Variants in HERC2 observed in about 807,000 individuals in gnomAD.
The protein encoded by HERC2 is HECT and RLD domain containing E3 ubiquitin protein ligase 2.
In HERC2, 102 loss-of-function variants were observed where a neutral mutation model predicts 537.7. The ratio of observed to expected loss-of-function variants is 0.19; its 90% CI spans 0.16 to 0.22. The LOEUF (loss-of-function observed/expected upper bound fraction) is 0.22, where lower values mean the gene tolerates loss of function less well. HERC2 is among the 10% of genes least tolerant of loss of function. The pLI is 1.00. For missense variants in HERC2, 4,236 were observed against 6,198.2 expected (o/e 0.68, Z 10.63); for synonymous variants, 2,224 against 2,466.2 (o/e 0.90, Z 2.91).
chr15:28,160,064 A>G (rs1893420507), intron 69 of HERC2, among the ~76,000 whole-genome samples: 1 of 152,230 alleles, frequency 6.6e-6, no homozygotes, highest in African/African-American at 2.4e-5. Context: ...GCTGAACAGC[A>G]AATGTTGCTG....
Position 28,130,568 on chromosome 15 carries a change from T to A in HERC2, c.12597A>T (p.Val4199=). 6.2e-7 allele frequency: 1 copy of A among 1,613,866 alleles called. No homozygotes were observed. The highest frequency in any genetic ancestry group is 8.5e-7 in the Non-Finnish European group (1 of 1,179,752). Residue 4199 remains valine (V), a synonymous_variant, in exon 82 of 93, where the codon GTA becomes GTT. Transcript: ENST00000261609. ...ACTGGGATCCGCATTCCACTTTAACTACTCCAAGACCAGTAAGAGAATCAA... is the reference window on the plus strand; with the variant it reads ...ACTGGGATCCGCATTCCACTTTAACAACTCCAAGACCAGTAAGAGAATCAA... ...MKIDSLTGLG[V]VKVECGSQFS...
intron 4 of HERC2, among the ~76,000 whole-genome samples, chr15:28,292,230 CAAAAAAA>C (rs34513876): frequency 3.0e-5 from 2 of 67,478 alleles, no homozygotes; most frequent in African/African-American, 1.1e-4. Flanking sequence ...ACTCCATCTC[CAAAAAAA>C]AAAAAAAAAA....
intron 43 of HERC2, among the ~76,000 whole-genome samples, chr15:28,211,840 G>A (rs1224985285): frequency 1.3e-5 from 2 of 152,216 alleles, no homozygotes; most frequent in Non-Finnish European, 2.9e-5. Flanking sequence ...GTGGGAGCAA[G>A]AGGGGAGAAA....
chr15:28,240,054 GTT>G (rs202042453), intron 23 of HERC2, among the ~76,000 whole-genome samples: 2 of 151,408 alleles, frequency 1.3e-5, no homozygotes, highest in East Asian at 1.9e-4. Flanking sequence ...ATATTGTAGG[GTT>G]TTTTTTTAAA....
chr15:28,129,498 G>A (rs1374517804), intron 83 of HERC2, among the ~76,000 whole-genome samples: 2 of 152,210 alleles, frequency 1.3e-5, no homozygotes, highest in African/African-American at 2.4e-5. Flanking sequence ...AGAACATGTC[G>A]CTTGTACAGA....
At chr15:28,201,297 C>T (rs554768482) in intron 48 of HERC2, among the ~76,000 whole-genome samples, 159 bp downstream of exon 48, 16 of 152,344 alleles carry the variant, frequency 1.1e-4, no homozygotes, top group East Asian at 7.7e-4. Flanking sequence ...CACCTTCTAG[C>T]GTACCATGAG....
At chr15:28,248,809 T>A (rs1178607065) in intron 20 of HERC2, 73 bp from the exon 21 acceptor site, 1 of 1,181,420 alleles carries the variant, frequency 8.5e-7, no homozygotes, top group Non-Finnish European at 1.2e-6. Flanking sequence ...ATGGGGTAAA[T>A]CATGACAAAT....
At chr15:28,131,207 C>G (rs376646045) in intron 81 of HERC2, among the ~76,000 whole-genome samples, 26 of 152,300 alleles carry the variant, frequency 1.7e-4, no homozygotes, top group African/African-American at 6.0e-4. Context: ...TAGTGTCTGG[C>G]CCTACCACAA....
intron 74 of HERC2, 74 bp downstream of exon 74, chr15:28,143,799 G>T: frequency 6.3e-7 from 1 of 1,579,478 alleles, no homozygotes; most frequent in Non-Finnish European, 8.7e-7. Flanking sequence ...ACGATTTAGA[G>T]GTTTAGACTA....
At chr15:28,282,559 G>A (rs1596384227) in intron 4 of HERC2, among the ~76,000 whole-genome samples, 1 of 152,210 alleles carries the variant, frequency 6.6e-6, no homozygotes, top group African/African-American at 2.4e-5. Context: ...AATGGACACA[G>A]CAGTAGAATG....
chr15:28,314,377 G>A (rs1163865069), intron 2 of HERC2, among the ~76,000 whole-genome samples: 1 of 152,192 alleles, frequency 6.6e-6, no homozygotes, highest in African/African-American at 2.4e-5. Flanking sequence ...AGGGAAGTGG[G>A]AAAGTGAGAC....
At chr15:28,233,088 A>C in intron 30 of HERC2, 58 bp downstream of exon 30, 1 of 1,330,172 alleles carries the variant, frequency 7.5e-7, no homozygotes, top group Non-Finnish European at 1.1e-6. Flanking sequence ...TCACAGATCC[A>C]ATGTGGCAGG....
chr15:28,194,764 A>T (rs1284488444), intron 52 of HERC2, among the ~76,000 whole-genome samples: 3 of 152,162 alleles, frequency 2.0e-5, no homozygotes, highest in Non-Finnish European at 4.4e-5. Flanking sequence ...TATAAAATGT[A>T]TAAAATTTTG....
chr15:28,224,361 A>G (rs1486417906), intron 35 of HERC2, among the ~76,000 whole-genome samples: 1 of 152,070 alleles, frequency 6.6e-6, no homozygotes, highest in Non-Finnish European at 1.5e-5. Flanking sequence ...AGCTGGGACC[A>G]TAGGCACACA....
chr15:28,138,051 T>TAG (rs34316772), intron 78 of HERC2, among the ~76,000 whole-genome samples: 6,519 of 152,274 alleles, frequency 0.043, 436 homozygotes, highest in African/African-American at 0.15. Flanking sequence ...AATCCAGAGC[T>TAG]TGCTAACTGT....
At chr15:28,141,902 T>A in intron 76 of HERC2, 56 bp from the exon 77 acceptor site, 2 of 1,283,082 alleles carry the variant, frequency 1.6e-6, no homozygotes, top group South Asian at 1.2e-5. Flanking sequence ...ACAAAATAGA[T>A]AAATACTAAG....
Position 28,132,833 on chromosome 15 carries a change from G to A in HERC2, c.12231-3C>T. 3 of 1,523,644 alleles carry A rather than the reference G, an allele frequency of 2.0e-6. No homozygotes were observed. Among genetic ancestry groups the A allele is most frequent in the African/African-American group, 1.4e-5 (1 of 70,616 alleles). 94.4% of individuals were successfully genotyped at this position (1,523,644 alleles called of 1,614,324 possible). A position where few individuals can be genotyped will look rare whatever the true frequency, so the allele number is the denominator to read the frequency against. On this transcript the variant is annotated splice_region_variant and splice_polypyrimidine_tract_variant and intron_variant, in intron 79 of 92. Coordinates refer to ENST00000261609, the MANE Select transcript of HERC2 (RefSeq NM_004667.6). Reference sequence around the variant, plus strand: ...TGACACGAGGGCGGTCACACGGACTGCAAAAAAGTCACCAAATATAATGGA... The same window carrying A: ...TGACACGAGGGCGGTCACACGGACTACAAAAAAGTCACCAAATATAATGGA...
chr15:28,214,701 C>T lies in HERC2; in HGVS notation c.6312G>A (p.Leu2104=). ...KCLVEKLFDF[L]GSLLTTCSSD... ...AGGAGCAGGTAGTGAGCAAGCTTCC[C>T]AAGAAGTCAAACAGCTTCTCCACGA... Residue 2104 remains leucine, a synonymous_variant, in exon 40 of 93, where the codon TTG becomes TTA. Coordinates refer to ENST00000261609, the MANE Select transcript of HERC2 (RefSeq NM_004667.6). 6.2e-7 allele frequency: 1 copy of T among 1,612,030 alleles called. No individual in the cohort carries two copies. The highest frequency in any genetic ancestry group is 8.5e-7 in the Non-Finnish European group (1 of 1,179,852).
chr15:28,293,246 C>G (rs1008609955), intron 3 of HERC2, among the ~76,000 whole-genome samples: 1 of 152,168 alleles, frequency 6.6e-6, no homozygotes, highest in Non-Finnish European at 1.5e-5. Context: ...GTAATCCCAG[C>G]ACTTTGGGAA....
Sources: gnomAD v4.1 joint callset for allele counts (sites outside exome capture counted in the v4.1 genomes callset) on GRCh38, gnomAD v4.1.1 for gene constraint, MANE v1.5 for transcripts, NCBI Gene and HGNC (gene_info 2026-07-23, HGNC 2026-07-21) for gene names.